ENTPD1: variants seen among roughly 807,000 people sequenced by gnomAD.
The protein encoded by ENTPD1 is ATP diphosphohydrolase.
In ENTPD1, 33 loss-of-function variants were observed where a neutral mutation model predicts 57.0. The observed-to-expected ratio is 0.58, with a 90% CI of 0.44 to 0.77. ENTPD1 has a LOEUF of 0.77. Ranked by LOEUF, ENTPD1 falls within the 30% of genes least tolerant of loss-of-function variation. ENTPD1 has a pLI of 0.00. For synonymous variants in ENTPD1, 202 were observed against 218.8 expected (o/e 0.92, Z 0.68); for missense variants, 501 against 603.4 (o/e 0.83, Z 1.78).
intron 1 of ENTPD1, among the ~76,000 whole-genome samples, chr10:95,815,342 C>T (rs1422196592): frequency 6.6e-6 from 1 of 152,156 alleles, no homozygotes; most frequent in Non-Finnish European, 1.5e-5. Flanking sequence ...TGGGCAAGTC[C>T]CTTAAGCTTC....
chr10:95,761,067 T>C (rs971409790), intron 1 of ENTPD1, among the ~76,000 whole-genome samples: 5 of 152,052 alleles, frequency 3.3e-5, no homozygotes, highest in African/African-American at 9.7e-5. Context: ...CCTGACCTCA[T>C]GATCCGCCCG....
the ENTPD1 span, among the ~76,000 whole-genome samples, chr10:95,703,630 A>AAC: frequency 6.6e-6 from 1 of 151,930 alleles, no homozygotes; most frequent in Non-Finnish European, 1.5e-5. Context: ...GAAAATACAA[A>AAC]AATTAGCCAG....
At chr10:95,853,878 T>G (rs1465491910) in intron 7 of ENTPD1, among the ~76,000 whole-genome samples, 1 of 152,226 alleles carries the variant, frequency 6.6e-6, no homozygotes, top group Admixed American at 6.5e-5. Flanking sequence ...ATCAAGGATA[T>G]TGGTCTAAAA....
At chr10:95,832,284 C>G (rs563073350) in intron 2 of ENTPD1, among the ~76,000 whole-genome samples, 1 of 152,168 alleles carries the variant, frequency 6.6e-6, no homozygotes, top group Non-Finnish European at 1.5e-5. Flanking sequence ...CAGTTTGAAC[C>G]TCCAGAGTGC....
chr10:95,868,631 TGTAAATA>T lies in ENTPD1; in HGVS notation c.*2252_*2258del. On this transcript the variant is annotated 3_prime_UTR_variant, in exon 10 of 10. Coordinates refer to ENST00000371205, the MANE Select transcript of ENTPD1 (RefSeq NM_001776.6). ...TGACCCTCACAACAACCCATAAGGGTGTAAATAGTATTTCCATTTTACAAATGAGGAT... is the reference window on the plus strand; with the variant it reads ...TGACCCTCACAACAACCCATAAGGGTGTATTTCCATTTTACAAATGAGGAT... 1 of 983,618 alleles carries T rather than the reference TGTAAATA, an allele frequency of 1.0e-6. No individual in the cohort carries two copies. The highest frequency in any genetic ancestry group is 1.2e-6 in the Non-Finnish European group (1 of 828,318). The allele number at this position is 983,618 out of a possible 1,614,324, so 60.9% of individuals were successfully genotyped here.
Position 95,823,358 on chromosome 10 carries a change from C to T in ENTPD1, c.138C>T (p.Asn46=), listed in dbSNP as rs1217512827. Residue 46 remains asparagine (N), a synonymous_variant, in exon 2 of 10, where the codon AAC becomes AAT. Coordinates refer to ENST00000371205, the MANE Select transcript of ENTPD1 (RefSeq NM_001776.6). ...GLTQNKALPE[N]VKYGIVLDAG... ...CCCAGAACAAAGCATTGCCAGAAAA[C>T]GTTAAGGTAAGTCAAATATATCTGT... 6.8e-6 allele frequency: 11 copies of T among 1,613,816 alleles called. No individual in the cohort carries two copies. Among genetic ancestry groups the T allele is most frequent in the East Asian group, 4.5e-5 (2 of 44,876 alleles).
intron 1 of ENTPD1, among the ~76,000 whole-genome samples, chr10:95,714,771 A>T (rs2097969653): frequency 6.6e-6 from 1 of 152,212 alleles, no homozygotes; most frequent in Admixed American, 6.5e-5. Context: ...AGAATTTCAA[A>T]AATTTTTTTT....
chr10:95,794,507 C>T (rs2098218407), intron 1 of ENTPD1, among the ~76,000 whole-genome samples: 1 of 152,088 alleles, frequency 6.6e-6, no homozygotes, highest in Non-Finnish European at 1.5e-5. Context: ...ACCCCAGCCC[C>T]CGAGGGATTC....
intron 2 of ENTPD1, among the ~76,000 whole-genome samples, chr10:95,834,554 C>T (rs985470672): frequency 2.6e-5 from 4 of 152,188 alleles, no homozygotes; most frequent in African/African-American, 9.7e-5. Context: ...AAATATTCTA[C>T]TTCTGTGGAG....
intron 1 of ENTPD1, among the ~76,000 whole-genome samples, chr10:95,780,909 G>A (rs1224041370): frequency 6.6e-6 from 1 of 152,118 alleles, no homozygotes; most frequent in Admixed American, 6.5e-5. Context: ...CCATGGCTAG[G>A]TATACACCCA....
At chr10:95,858,938 GT>G (rs1267385176) in intron 7 of ENTPD1, among the ~76,000 whole-genome samples, 5 of 152,096 alleles carry the variant, frequency 3.3e-5, no homozygotes, top group Admixed American at 3.3e-4. Context: ...TGAAGAATCT[GT>G]TTAAAATTTC....
At chr10:95,810,687 T>C (rs1480941175) in intron 1 of ENTPD1, among the ~76,000 whole-genome samples, 2 of 152,376 alleles carry the variant, frequency 1.3e-5, no homozygotes, top group Non-Finnish European at 2.9e-5. Flanking sequence ...TTTGAGGAGA[T>C]ACTGAAGCCA....
intron 1 of ENTPD1, among the ~76,000 whole-genome samples, chr10:95,775,776 G>A (rs1466288545): frequency 6.6e-6 from 1 of 152,134 alleles, no homozygotes; most frequent in Non-Finnish European, 1.5e-5. Context: ...GGGAGTCTAA[G>A]TCTCTTTGTA....
chr10:95,835,298 C>T (rs1476577274), intron 2 of ENTPD1, among the ~76,000 whole-genome samples: 1 of 152,164 alleles, frequency 6.6e-6, no homozygotes, highest in Non-Finnish European at 1.5e-5. Flanking sequence ...GCATAGTATT[C>T]CATGGTGCAT....
At chr10:95,814,857 A>AC (rs1238277661) in intron 1 of ENTPD1, among the ~76,000 whole-genome samples, 1 of 151,586 alleles carries the variant, frequency 6.6e-6, no homozygotes, top group East Asian at 1.9e-4. Context: ...TTTCATTCTC[A>AC]CCCCCACCCC....
chr10:95,714,053 G>A (rs1158528418), intron 1 of ENTPD1, among the ~76,000 whole-genome samples: 1 of 152,192 alleles, frequency 6.6e-6, no homozygotes, highest in Non-Finnish European at 1.5e-5. Flanking sequence ...GCTCACTCCT[G>A]TAATCCCAGC....
At chr10:95,794,803 G>A (rs2098219471) in intron 1 of ENTPD1, among the ~76,000 whole-genome samples, 1 of 152,116 alleles carries the variant, frequency 6.6e-6, no homozygotes, top group Admixed American at 6.6e-5. Flanking sequence ...AAGAGGATGG[G>A]AAGGGAATGT....
At chr10:95,849,957 T>A (rs1435725278) in intron 7 of ENTPD1, among the ~76,000 whole-genome samples, 1 of 152,238 alleles carries the variant, frequency 6.6e-6, no homozygotes, top group African/African-American at 2.4e-5. Context: ...TACCCTTGTG[T>A]CTTGAGTTTG....
intron 9 of ENTPD1, among the ~76,000 whole-genome samples, chr10:95,865,342 G>A (rs4512761): frequency 0.27 from 40,759 of 152,124 alleles, 6,314 homozygotes; most frequent in Admixed American, 0.38. Context: ...CCGTTGTTTA[G>A]AAGCCAGGCT....
Sources: allele counts gnomAD v4.1 joint callset (sites outside exome capture counted in the v4.1 genomes callset), GRCh38; gene constraint gnomAD v4.1.1; transcripts MANE v1.5; gene names NCBI Gene and HGNC (gene_info 2026-07-23, HGNC 2026-07-21).